Variants in HNRNPM observed in about 807,000 individuals in gnomAD.
HNRNPM encodes CEA receptor.
HNRNPM carries 11 observed loss-of-function variants against 73.1 expected under a neutral mutation model. The ratio of observed to expected loss-of-function variants is 0.15; its 90% CI spans 0.09 to 0.25. HNRNPM has a LOEUF of 0.25. Among genes scored for constraint, HNRNPM ranks in the 10% least tolerant of loss-of-function variants. The pLI is 1.00. For synonymous variants in HNRNPM, 407 were observed against 355.2 expected (o/e 1.15, Z -1.64); for missense variants, 789 against 1,067.9 (o/e 0.74, Z 3.64).
intron 2 of HNRNPM, among the ~76,000 whole-genome samples, chr19:8,458,504 G>A (rs1969175897): frequency 6.6e-6 from 1 of 152,214 alleles, no homozygotes; most frequent in Non-Finnish European, 1.5e-5. Context: ...TTGCTGGGCT[G>A]CTTCTCTTGA....
At chr19:8,459,158 C>T (rs530708323) in intron 2 of HNRNPM, among the ~76,000 whole-genome samples, 2 of 152,330 alleles carry the variant, frequency 1.3e-5, no homozygotes, top group South Asian at 2.1e-4. Flanking sequence ...AACTCCTGAC[C>T]TCAGGTAATC....
chr19:8,486,903 G>A (rs1217098224), intron 14 of HNRNPM, 121 bp from the exon 15 acceptor site: 3 of 816,710 alleles, frequency 3.7e-6, no homozygotes, highest in East Asian at 2.4e-5. Context: ...GCCTCAGTCT[G>A]AAGGGCAGCC....
At chr19:8,470,063 G>A (rs920229945) in intron 9 of HNRNPM, among the ~76,000 whole-genome samples, 1 of 152,242 alleles carries the variant, frequency 6.6e-6, no homozygotes, top group African/African-American at 2.4e-5. Context: ...CATGGCGATG[G>A]CTCTTGTTGA....
intron 2 of HNRNPM, among the ~76,000 whole-genome samples, chr19:8,456,348 C>T (rs1272740984): frequency 2.6e-5 from 4 of 152,202 alleles, no homozygotes; most frequent in Non-Finnish European, 5.9e-5. Flanking sequence ...GTGCTGCTAT[C>T]GTCTTCCTTT....
intron 13 of HNRNPM, among the ~76,000 whole-genome samples, chr19:8,483,623 G>A (rs1208008095): frequency 6.6e-6 from 1 of 152,184 alleles, no homozygotes; most frequent in Non-Finnish European, 1.5e-5. Context: ...AGTAATAAAT[G>A]CTTGTAAAAT....
intron 2 of HNRNPM, among the ~76,000 whole-genome samples, chr19:8,457,852 A>G (rs1969127670): frequency 6.6e-6 from 1 of 152,258 alleles, no homozygotes; most frequent in Non-Finnish European, 1.5e-5. Context: ...CTTTATACAT[A>G]GGAAGAACTG....
chr19:8,471,224 A>G (rs1365139897), intron 9 of HNRNPM, 102 bp from the exon 10 acceptor site: 4 of 584,016 alleles, frequency 6.8e-6, no homozygotes, highest in African/African-American at 3.9e-5. Flanking sequence ...GGGGGTGGGT[A>G]GGCTGAAGTG....
At chr19:8,465,625 G>T in intron 6 of HNRNPM, 110 bp downstream of exon 6, 1 of 810,524 alleles carries the variant, frequency 1.2e-6, no homozygotes. Flanking sequence ...ATGTAAAGAA[G>T]GGTTTTGTTC....
At chr19:8,466,465 AAG>A in intron 7 of HNRNPM, 77 bp downstream of exon 7, 2 of 1,352,362 alleles carry the variant, frequency 1.5e-6, no homozygotes, top group South Asian at 2.3e-5. Context: ...TTGTGTGAGG[AAG>A]AGGTGACTGT....
rs367827350 is a variant in HNRNPM, at chr19:8,485,769, G to T, written c.1341G>T (p.Val447=). The change falls in exon 14 of 16, where the codon GTG becomes GTT. Residue 447 remains valine, a synonymous_variant. Transcript: ENST00000325495. ...TGGTCATGGACCGCATGGGCTCCGTGGAGCGCATGGGCTCCGGCATTGAGC... is the reference window on the plus strand; with the variant it reads ...TGGTCATGGACCGCATGGGCTCCGTTGAGCGCATGGGCTCCGGCATTGAGC... ...MGLVMDRMGS[V]ERMGSGIERM... 6.2e-7 allele frequency: 1 copy of T among 1,603,598 alleles called. No individual in the cohort carries two copies. The highest frequency in any genetic ancestry group is 1.1e-5 in the South Asian group (1 of 90,954).
At chr19:8,477,660 CAAAAAAAAAAAAAAAAAAAAA>C (rs35193948) in intron 12 of HNRNPM, among the ~76,000 whole-genome samples, 3 of 117,080 alleles carry the variant, frequency 2.6e-5, no homozygotes, top group East Asian at 4.9e-4. Context: ...AACCCTGTCT[CAAAAAAAAAAAAAAAAAAAAA>C]AAAAAAAAAA....
intron 5 of HNRNPM, 185 bp downstream of exon 5, chr19:8,463,871 GC>G (rs1316161811): frequency 1.8e-6 from 1 of 566,194 alleles, no homozygotes; most frequent in African/African-American, 1.9e-5. Flanking sequence ...TGGGGTGGTG[GC>G]CAAGCAGATC....
chr19:8,445,254 G>A (rs1166577366), intron 1 of HNRNPM, 143 bp downstream of exon 1: 5 of 708,212 alleles, frequency 7.1e-6, no homozygotes, highest in Non-Finnish European at 1.0e-5. Flanking sequence ...TCAGGGTAGC[G>A]GCGTCTAGGG....
chr19:8,468,051 A>T (rs901851220), intron 8 of HNRNPM, among the ~76,000 whole-genome samples: 1 of 152,114 alleles, frequency 6.6e-6, no homozygotes, highest in Non-Finnish European at 1.5e-5. Context: ...AGAAAAAAAA[A>T]CATTTTGCTC....
At chr19:8,459,467 ATG>A (rs974077781) in intron 2 of HNRNPM, among the ~76,000 whole-genome samples, 50 of 152,166 alleles carry the variant, frequency 3.3e-4, no homozygotes, top group African/African-American at 1.1e-3. Flanking sequence ...AAGAGTGTGC[ATG>A]TGTTCTGTGC....
chr19:8,463,408 T>A, intron 3 of HNRNPM, 89 bp from the exon 4 acceptor site: 1 of 1,349,704 alleles, frequency 7.4e-7, no homozygotes, highest in Non-Finnish European at 1.1e-6. Context: ...ATTTTTAGTT[T>A]GTTTATAACT....
intron 1 of HNRNPM, among the ~76,000 whole-genome samples, chr19:8,446,200 C>A (rs1402145685): frequency 6.6e-6 from 1 of 152,150 alleles, no homozygotes; most frequent in Non-Finnish European, 1.5e-5. Flanking sequence ...GCGTATAATT[C>A]AGTGGCATTG....
At position 8,479,078 on chromosome 19, in the gene HNRNPM, C is replaced by CTTTTTTTTTTTTTTTTTTT. The variant is rs74176651; in HGVS notation, c.1121-4074_1121-4056dup. ...ATTTCCTCCTCTTTTTTCTTTCTTT[C>CTTTTTTTTTTTTTTTTTTT]TTTTTTTTTTTTTTTTTTTTTTTTC... On this transcript the variant is annotated intron_variant, in intron 12 of 15. Coordinates refer to ENST00000325495, the MANE Select transcript of HNRNPM (RefSeq NM_005968.5). Among the ~76,000 whole-genome samples the CTTTTTTTTTTTTTTTTTTT allele has an allele frequency of 1.0e-3, 77 of 73,818 alleles. 1 individual carries two copies. The highest frequency in any genetic ancestry group is 1.6e-3 in the Admixed American group (8 of 5,106). The allele number at this position is 73,818 out of a possible 152,430, so 48.4% of individuals were successfully genotyped here.
chr19:8,473,033 A>G (rs1052759961), intron 10 of HNRNPM, among the ~76,000 whole-genome samples: 1 of 152,078 alleles, frequency 6.6e-6, no homozygotes, highest in African/African-American at 2.4e-5. Context: ...AATCCCAGCA[A>G]TTTGGAGGCC....
Sources: allele counts gnomAD v4.1 joint callset (sites outside exome capture counted in the v4.1 genomes callset), GRCh38; gene constraint gnomAD v4.1.1; transcripts MANE v1.5; gene names NCBI Gene and HGNC (gene_info 2026-07-23, HGNC 2026-07-21).